KLHL24: variants seen among roughly 807,000 people sequenced by gnomAD.
KLHL24 encodes kelch like family member 24, also known as kelch-like protein 24.
KLHL24 carries 29 observed loss-of-function variants against 53.4 expected under a neutral mutation model. The ratio of observed to expected loss-of-function variants is 0.54; its 90% confidence interval spans 0.40 to 0.74. The LOEUF (loss-of-function observed/expected upper bound fraction) is 0.74. Ranked by LOEUF, KLHL24 falls within the 30% of genes least tolerant of loss-of-function variation. The probability of loss-of-function intolerance (pLI) is 0.00; values close to 1 mark genes in which losing one functional copy is unlikely to be tolerated. For missense variants in KLHL24, 504 were observed against 744.0 expected, an observed-to-expected ratio of 0.68 and a Z score of 3.75; for synonymous variants, 222 against 253.7, an observed-to-expected ratio of 0.88 and a Z score of 1.19.
In KLHL24 at chr3:183,681,784, T is replaced by C. The variant is rs1370085751; in HGVS notation, c.*2498T>C. ...AAAGAATTTTAGAGTAGAATTAATATATCAAAAGGGGTATATCAACCAAAT... is the reference window on the plus strand; with the variant it reads ...AAAGAATTTTAGAGTAGAATTAATACATCAAAAGGGGTATATCAACCAAAT... On this transcript the variant is annotated 3_prime_UTR_variant, in exon 8 of 8. Coordinates refer to ENST00000242810, the MANE Select transcript of KLHL24 (RefSeq NM_017644.3). 2 of 152,518 alleles carry C rather than the reference T, an allele frequency of 1.3e-5. No homozygotes were observed. The highest frequency in any genetic ancestry group is 2.9e-5 in the Non-Finnish European group (2 of 67,924). The allele number at this position is 152,518 out of a possible 1,614,324, so 9.4% of individuals were successfully genotyped here. A position where few individuals can be genotyped will look rare whatever the true frequency, so the allele number is the denominator to read the frequency against.
chr3:183,667,594 C>T (rs1011383200), intron 5 of KLHL24, among the ~76,000 whole-genome samples: 5 of 152,222 alleles, frequency 3.3e-5, no homozygotes, highest in Non-Finnish European at 4.4e-5. Flanking sequence ...ATCCCATCCC[C>T]GACCAGTCCC....
In KLHL24 at chr3:183,678,938, C is replaced by T. The variant is rs1424934152; in HGVS notation, c.1603-148C>T. 70 of 636,166 alleles carry T rather than the reference C, an allele frequency of 1.1e-4. No individual in the cohort carries two copies. In the South Asian group the frequency reaches 1.3e-3, roughly 12 times the overall value. 39.4% of individuals were successfully genotyped at this position (636,166 alleles called of 1,614,324 possible). ...AGTTGTCCAGCGCTTACACAGAACA[C>T]AGAGAGCAGAGTTGGGCCAAAGGAC... On this transcript the variant is annotated intron_variant, in intron 7 of 7. Transcript: ENST00000242810.
At chr3:183,671,249 A>G (rs1296897396) in intron 6 of KLHL24, 27 bp downstream of exon 6, 5 of 1,584,130 alleles carry the variant, frequency 3.2e-6, no homozygotes, top group South Asian at 2.3e-5. Flanking sequence ...TAAAGAAATT[A>G]CCAATATTAA....
chr3:183,675,777 TAAAAAAAAAAGAAAGAA>T (rs1363578454), intron 7 of KLHL24, among the ~76,000 whole-genome samples: 4 of 146,500 alleles, frequency 2.7e-5, no homozygotes, highest in African/African-American at 1.0e-4. Context: ...AAAAAAAATT[TAAAAAAAAAAGAAAGAA>T]AAAAGAAAAA....
At position 183,650,279 on chromosome 3, in the gene KLHL24, C is replaced by T; in HGVS notation, c.-61-17C>T. The T allele has an allele frequency of 8.7e-7, 1 of 1,147,182 alleles. No homozygotes were observed. The highest frequency in any genetic ancestry group is 1.2e-6 in the Non-Finnish European group (1 of 811,282). 71.1% of individuals were successfully genotyped at this position (1,147,182 alleles called of 1,614,324 possible). ...AATTTTTTGCATATTGAAATGTTTTCCTTTTTTTACTTTTAGCCACATAAA... is the reference window on the plus strand; with the variant it reads ...AATTTTTTGCATATTGAAATGTTTTTCTTTTTTTACTTTTAGCCACATAAA... On this transcript the variant is annotated splice_polypyrimidine_tract_variant and intron_variant, in intron 2 of 7. Transcript: ENST00000242810. This position sits in a 1 kb window ranked among gnomAD's most constrained non-coding sequence, Gnocchi z 4.5.
intron 2 of KLHL24, among the ~76,000 whole-genome samples, chr3:183,647,517 C>A (rs989436063): frequency 2.0e-5 from 3 of 151,226 alleles, no homozygotes; most frequent in Non-Finnish European, 4.4e-5. Flanking sequence ...TTTAGACCAT[C>A]CTGGTCAACA....
rs995803726 is a variant in KLHL24, at chr3:183,650,167, G to T, written c.-61-129G>T. 4.8e-5 allele frequency: 26 copies of T among 537,472 alleles called. No homozygotes were observed. Among genetic ancestry groups the T allele is most frequent in the Non-Finnish European group, 6.5e-5 (20 of 309,386 alleles). 33.3% of individuals were successfully genotyped at this position (537,472 alleles called of 1,614,324 possible). On this transcript the variant is annotated intron_variant, in intron 2 of 7. Transcript: ENST00000242810. This position sits in a 1 kb window ranked among gnomAD's most constrained non-coding sequence, Gnocchi z 4.5. ...TGTTGATTAGTTTTTATTAACATGA[G>T]ATAGTGCTGTGTACCCTATATGAAA... is the stretch of plus-strand genomic sequence containing the variant.
chr3:183,646,730 A>AG (rs1284811739), intron 2 of KLHL24, among the ~76,000 whole-genome samples: 1 of 152,186 alleles, frequency 6.6e-6, no homozygotes, highest in Non-Finnish European at 1.5e-5. Flanking sequence ...AGGAGGAACT[A>AG]GGCTGTCTGT....
At chr3:183,660,153 A>G (rs534261388) in intron 3 of KLHL24, among the ~76,000 whole-genome samples, 6 of 146,554 alleles carry the variant, frequency 4.1e-5, no homozygotes, top group Admixed American at 2.0e-4. Context: ...TTTTTTTGAG[A>G]CAAGGTCTCC....
At chr3:183,647,409 C>T (rs536109786) in intron 2 of KLHL24, among the ~76,000 whole-genome samples, 9 of 143,732 alleles carry the variant, frequency 6.3e-5, no homozygotes, top group South Asian at 2.2e-4. Context: ...AGCGAGACTC[C>T]GTCTCAAAAA....
intron 3 of KLHL24, among the ~76,000 whole-genome samples, chr3:183,655,712 C>G (rs1291208683): frequency 6.6e-6 from 1 of 152,078 alleles, no homozygotes; most frequent in East Asian, 1.9e-4. Context: ...ATCACTAAGT[C>G]AGGAGATTGA....
rs1422920032 is a variant in KLHL24, at chr3:183,649,011, A to C, written c.-61-1285A>C. Among the ~76,000 whole-genome samples the C allele has an allele frequency of 3.3e-5, 5 of 152,158 alleles. No individual in the cohort carries two copies. In the East Asian group the frequency reaches 9.6e-4, roughly 29 times the overall value. On this transcript the variant is annotated intron_variant, in intron 2 of 7. Coordinates refer to ENST00000242810, the MANE Select transcript of KLHL24 (RefSeq NM_017644.3). Reference sequence around the variant, plus strand: ...GAATGAGACCTTGTTTCCAAAAAAAAAAAGAGACACAGAGAGAGAATTGAT... The same window carrying C: ...GAATGAGACCTTGTTTCCAAAAAAACAAAGAGACACAGAGAGAGAATTGAT...
intron 2 of KLHL24, among the ~76,000 whole-genome samples, chr3:183,646,679 A>T (rs559676617): frequency 7.9e-5 from 12 of 152,316 alleles, no homozygotes; most frequent in African/African-American, 2.4e-4. Context: ...GTTAAGTGCT[A>T]ATTGATATGA....
intron 6 of KLHL24, among the ~76,000 whole-genome samples, chr3:183,671,667 G>A (rs2108876257): frequency 6.6e-6 from 1 of 152,262 alleles, no homozygotes; most frequent in East Asian, 1.9e-4. Context: ...TGTAAATAGA[G>A]GATGGCTCAA....
intron 7 of KLHL24, among the ~76,000 whole-genome samples, chr3:183,675,746 G>A (rs555075586): frequency 1.3e-5 from 2 of 151,314 alleles, no homozygotes; most frequent in South Asian, 4.2e-4. Flanking sequence ...CAGCCTGGGT[G>A]ACACAGTGAG....
intron 3 of KLHL24, among the ~76,000 whole-genome samples, chr3:183,654,741 A>C (rs1718611950): frequency 6.6e-6 from 1 of 152,106 alleles, no homozygotes; most frequent in South Asian, 2.1e-4. Flanking sequence ...TTTCTTTTTT[A>C]TGATTCTGAC....
chr3:183,678,229 A>G (rs1007643225), intron 7 of KLHL24, among the ~76,000 whole-genome samples: 7 of 152,240 alleles, frequency 4.6e-5, no homozygotes, highest in Non-Finnish European at 1.0e-4. Context: ...ATGTTATTTG[A>G]GACATTTCTA....
intron 5 of KLHL24, among the ~76,000 whole-genome samples, chr3:183,667,340 G>A (rs1389882475): frequency 1.3e-5 from 2 of 152,124 alleles, no homozygotes; most frequent in East Asian, 3.9e-4. Flanking sequence ...CGCTTCTGGC[G>A]GAGTTTGCAG....
At chr3:183,665,060 T>G in intron 5 of KLHL24, 21 bp downstream of exon 5, 1 of 1,228,576 alleles carries the variant, frequency 8.1e-7, no homozygotes, top group Non-Finnish European at 1.2e-6. Context: ...CCACTTTTTA[T>G]TACTATTGCT....
Sources: allele counts gnomAD v4.1 joint callset (sites outside exome capture counted in the v4.1 genomes callset), GRCh38; gene constraint gnomAD v4.1.1; non-coding constraint Gnocchi (gnomAD v3.1); transcripts MANE v1.5; gene names NCBI Gene and HGNC (gene_info 2026-07-23, HGNC 2026-07-21).